SYCP2: variants seen among roughly 807,000 people sequenced by gnomAD.
SYCP2 encodes synaptonemal complex protein 2.
In SYCP2, 55 loss-of-function variants were observed where a neutral mutation model predicts 211.3. The observed-to-expected ratio is 0.26, with a 90% CI of 0.21 to 0.33. The LOEUF is 0.33. SYCP2 is among the 10% of genes least tolerant of loss of function. The probability of loss-of-function intolerance (pLI) is 1.00; values close to 1 mark genes in which losing one functional copy is unlikely to be tolerated. For synonymous variants in SYCP2, 570 were observed against 555.2 expected (o/e 1.03, Z -0.37); for missense variants, 1,731 against 1,752.0 (o/e 0.99, Z 0.21).
intron 42 of SYCP2, 44 bp downstream of exon 42, chr20:59,865,763 A>C: frequency 8.7e-7 from 1 of 1,152,540 alleles, no homozygotes. Context: ...TTAATTTAAA[A>C]ATCTAATTTT....
chr20:59,903,274 T>C (rs1463270854), intron 15 of SYCP2, among the ~76,000 whole-genome samples: 6 of 152,134 alleles, frequency 3.9e-5, no homozygotes, highest in Admixed American at 3.3e-4. Context: ...AACTTTGTTT[T>C]GTTGCTTGCT....
chr20:59,894,197 C>G (rs2059962929), intron 20 of SYCP2, among the ~76,000 whole-genome samples: 1 of 151,940 alleles, frequency 6.6e-6, no homozygotes, highest in African/African-American at 2.4e-5. Flanking sequence ...TTTGCCTCAT[C>G]CTGGCTGCCT....
intron 2 of SYCP2, among the ~76,000 whole-genome samples, chr20:59,931,056 G>T (rs1204950372): frequency 6.6e-6 from 1 of 152,174 alleles, no homozygotes; most frequent in Non-Finnish European, 1.5e-5. Context: ...AAGATTACCA[G>T]TCCATCATCA....
At chr20:59,872,134 A>C (rs1447948871) in intron 35 of SYCP2, among the ~76,000 whole-genome samples, 1 of 151,944 alleles carries the variant, frequency 6.6e-6, no homozygotes, top group Non-Finnish European at 1.5e-5. Flanking sequence ...TCTTTCTGAC[A>C]CACAATGGTC....
At chr20:59,919,109 T>TAAATTATA (rs764426427) in intron 7 of SYCP2, 49 bp downstream of exon 7, 62 of 985,590 alleles carry the variant, frequency 6.3e-5, no homozygotes, top group Admixed American at 1.3e-4. Context: ...ATACTAAAAC[T>TAAATTATA]CTAACAGTAA....
chr20:59,881,871 T>A lies in SYCP2; in HGVS notation c.2658+74A>T, dbSNP rs564629107. On this transcript the variant is annotated intron_variant, in intron 28 of 44. Transcript: ENST00000357552. ...ATATGAGGATGCACATTAAAAACAT[T>A]CTATGTAATAACTGCATGGTAAATG... is the stretch of plus-strand genomic sequence containing the variant. 126 of 1,212,198 alleles carry A rather than the reference T, an allele frequency of 1.0e-4. No homozygotes were observed. The African/African-American group carries it at 1.8e-3, about 17-fold the overall frequency. 75.1% of individuals were successfully genotyped at this position (1,212,198 alleles called of 1,614,324 possible).
chr20:59,916,568 T>A lies in SYCP2; in HGVS notation c.431A>T (p.Lys144Ile). ...LVIHDVSDEG[K>I]KQVVESFVPR... The stretch of plus-strand genomic sequence containing the variant: ...TACGAAACTTTCCACTACTTGTTTT[T>A]TACCTGAATAAAAGTGTTAAATTAT... Residue 144 changes from lysine to isoleucine, a missense_variant, in exon 8 of 45, where the codon AAA becomes ATA. Transcript: ENST00000357552. 6.3e-7 allele frequency: 1 copy of A among 1,589,014 alleles called. No individual in the cohort carries two copies. Among genetic ancestry groups the A allele is most frequent in the Non-Finnish European group, 8.6e-7 (1 of 1,157,312 alleles).
rs752037334 is a variant in SYCP2, at chr20:59,895,573, ATTC to A, written c.1526_1528del (p.Arg509del). On this transcript the variant is annotated inframe_deletion, in exon 20 of 45. Transcript: ENST00000357552. ...GCTCGTCATTTGCAGTGGTGGTTTAATTCTTCTTCTTCGTGGTGGTATTGCTAA... is the reference window on the plus strand; with the variant it reads ...GCTCGTCATTTGCAGTGGTGGTTTAATTCTTCTTCGTGGTGGTATTGCTAA... 1.2e-4 allele frequency: 197 copies of A among 1,613,136 alleles called. No homozygotes were observed. The highest frequency in any genetic ancestry group is 4.2e-4 in the South Asian group (38 of 90,990).
chr20:59,875,450 C>A lies in SYCP2; in HGVS notation c.3170G>T (p.Arg1057Ile), dbSNP rs781085520. ...CTTTGGTAGCTTTACCGTTTTCATT[C>A]TGGAATGGATATTCTCCTCCTAAAT... ...IPVKEENIHSRMKTVKLPKKQ... is the reference protein window; with the variant it reads ...IPVKEENIHSIMKTVKLPKKQ... The change falls in exon 34 of 45, where the codon AGA (arginine) becomes ATA (isoleucine). Residue 1057 changes from arginine (R) to isoleucine (I), a missense_variant. By Grantham distance (97) the Arg-to-Ile change is moderately conservative (BLOSUM62 -3). Coordinates refer to ENST00000357552, the MANE Select transcript of SYCP2 (RefSeq NM_014258.4). 6.2e-7 allele frequency: 1 copy of A among 1,611,698 alleles called. No individual in the cohort carries two copies. Among genetic ancestry groups the A allele is most frequent in the Non-Finnish European group, 8.5e-7 (1 of 1,178,842 alleles).
intron 20 of SYCP2, among the ~76,000 whole-genome samples, chr20:59,894,202 C>T (rs894158184): frequency 1.3e-5 from 2 of 151,962 alleles, no homozygotes; most frequent in Admixed American, 6.6e-5. Flanking sequence ...CTCATCCTGG[C>T]TGCCTTTCCT....
chr20:59,898,744 A>T (rs1455994932), intron 18 of SYCP2, among the ~76,000 whole-genome samples: 1 of 152,044 alleles, frequency 6.6e-6, no homozygotes, highest in Non-Finnish European at 1.5e-5. Context: ...AAAATGTTTT[A>T]AAAAGGAAAG....
chr20:59,913,358 A>G (rs540808271), intron 12 of SYCP2, among the ~76,000 whole-genome samples: 1 of 152,164 alleles, frequency 6.6e-6, no homozygotes, highest in Non-Finnish European at 1.5e-5. Context: ...CAACCCTTAC[A>G]ATACCGTTAA....
chr20:59,904,747 G>T (rs1003956457), intron 15 of SYCP2, among the ~76,000 whole-genome samples: 3 of 152,118 alleles, frequency 2.0e-5, no homozygotes, highest in Non-Finnish European at 4.4e-5. Flanking sequence ...TATAAAAAAA[G>T]ATTTATTTGG....
intron 15 of SYCP2, among the ~76,000 whole-genome samples, chr20:59,906,915 T>A (rs2060224314): frequency 6.6e-6 from 1 of 152,160 alleles, no homozygotes; most frequent in Non-Finnish European, 1.5e-5. Context: ...GCATCACTAG[T>A]CATTGGAAAA....
chr20:59,871,461 C>G (rs1054856246), intron 35 of SYCP2, among the ~76,000 whole-genome samples: 6 of 151,874 alleles, frequency 4.0e-5, no homozygotes, highest in Non-Finnish European at 7.4e-5. Context: ...GGGGGAATGT[C>G]TCATGAGTGT....
intron 26 of SYCP2, among the ~76,000 whole-genome samples, chr20:59,883,288 G>A (rs1012713848): frequency 2.0e-5 from 3 of 152,126 alleles, no homozygotes; most frequent in Admixed American, 6.5e-5. Flanking sequence ...GGCGGAGGTT[G>A]CAGTGAGCCA....
At chr20:59,886,250 C>T (rs919973012) in intron 25 of SYCP2, among the ~76,000 whole-genome samples, 2 of 151,916 alleles carry the variant, frequency 1.3e-5, no homozygotes, top group African/African-American at 2.4e-5. Flanking sequence ...CCAGAATTAA[C>T]GTAAACTTGA....
chr20:59,892,465 A>G (rs377538544), intron 23 of SYCP2, 39 bp from the exon 24 acceptor site: 118 of 1,455,112 alleles, frequency 8.1e-5, no homozygotes, highest in Non-Finnish European at 1.0e-4. Flanking sequence ...TTTTAAATTA[A>G]TAAGTTGACA....
In SYCP2 at chr20:59,879,862, T is replaced by TATATAC. The variant is rs1469618397; in HGVS notation, c.2941+440_2941+441insGTATAT. Among the ~76,000 whole-genome samples the TATATAC allele has an allele frequency of 8.9e-4, 103 of 115,986 alleles. 1 individual carries two copies. Among genetic ancestry groups the TATATAC allele is most frequent in the Admixed American group, 1.6e-3 (19 of 11,656 alleles). The allele number at this position is 115,986 out of a possible 152,430, so 76.1% of individuals were successfully genotyped here. ...ATATATATATATATATATATATATA[T>TATATAC]ACACACACACACACACAAACATATA... On this transcript the variant is annotated intron_variant, in intron 31 of 44. Transcript: ENST00000357552.
Sources: gnomAD v4.1 joint callset for allele counts (sites outside exome capture counted in the v4.1 genomes callset) on GRCh38, gnomAD v4.1.1 for gene constraint, MANE v1.5 for transcripts, NCBI Gene and HGNC (gene_info 2026-07-23, HGNC 2026-07-21) for gene names.